ZBBX: variants seen among roughly 807,000 people sequenced by gnomAD.
ZBBX encodes zinc finger B-box domain containing, also known as zinc finger B-box domain-containing protein 1.
Under a neutral mutation model 108.5 loss-of-function variants are expected in ZBBX, and 101 were observed. The ratio of observed to expected loss-of-function variants is 0.93; its 90% CI spans 0.79 to 1.10. The LOEUF (loss-of-function observed/expected upper bound fraction) is 1.10. ZBBX is among the 50% of genes least tolerant of loss of function. ZBBX has a pLI of 0.00. For missense variants in ZBBX, 1,009 were observed against 941.4 expected, an observed-to-expected ratio of 1.07 and a Z score of -0.94; for synonymous variants, 356 against 323.4, an observed-to-expected ratio of 1.10 and a Z score of -1.08.
At chr3:167,217,607 A>G in the ZBBX span, among the ~76,000 whole-genome samples, 1 of 152,182 alleles carries the variant, frequency 6.6e-6, no homozygotes, top group African/African-American at 2.4e-5. Flanking sequence ...CAATCCCATT[A>G]CTGGACATAT....
chr3:167,406,044 G>T (rs932322006), intron 1 of ZBBX, among the ~76,000 whole-genome samples: 1 of 152,092 alleles, frequency 6.6e-6, no homozygotes, highest in African/African-American at 2.4e-5. Context: ...AGCCTGGGTT[G>T]CAAGGGCAAG....
At chr3:167,270,733 C>G (rs1410435740) in intron 20 of ZBBX, among the ~76,000 whole-genome samples, 1 of 152,124 alleles carries the variant, frequency 6.6e-6, no homozygotes, top group Admixed American at 6.5e-5. Flanking sequence ...GAAGTTAGAG[C>G]AATACTAAAT....
At chr3:167,185,705 A>G in the ZBBX span, among the ~76,000 whole-genome samples, 6 of 151,942 alleles carry the variant, frequency 3.9e-5, no homozygotes, top group Non-Finnish European at 8.8e-5. Flanking sequence ...AGAATGTTAC[A>G]TTTTTTCATT....
chr3:167,399,937 C>T (rs1009771197), intron 1 of ZBBX, among the ~76,000 whole-genome samples: 2 of 152,190 alleles, frequency 1.3e-5, no homozygotes, highest in African/African-American at 4.8e-5. Flanking sequence ...GAGTTCTCAC[C>T]TATAACTGTG....
At chr3:167,205,400 A>T in the ZBBX span, among the ~76,000 whole-genome samples, 1 of 152,160 alleles carries the variant, frequency 6.6e-6, no homozygotes, top group Non-Finnish European at 1.5e-5. Flanking sequence ...ATAAAACACT[A>T]AAGAAGAGCT....
chr3:167,312,058 A>G (rs1020120381), intron 16 of ZBBX, among the ~76,000 whole-genome samples: 6 of 152,184 alleles, frequency 3.9e-5, no homozygotes, highest in African/African-American at 1.4e-4. Context: ...GTGAATTGAT[A>G]AATAAACTAT....
At chr3:167,191,934 T>TAGAGAGAGAGAGAG in the ZBBX span, among the ~76,000 whole-genome samples, 67 of 130,220 alleles carry the variant, frequency 5.1e-4, no homozygotes, top group African/African-American at 2.0e-3. Flanking sequence ...TATATATATA[T>TAGAGAGAGAGAGAG]AGAGCAAGTT....
At chr3:167,251,246 G>A (rs1284135255) in intron 20 of ZBBX, among the ~76,000 whole-genome samples, 2 of 152,164 alleles carry the variant, frequency 1.3e-5, no homozygotes, top group South Asian at 2.1e-4. Context: ...CCAAGACCAC[G>A]TGTGATCCGA....
chr3:167,379,792 G>C lies in ZBBX; in HGVS notation c.-286C>G, dbSNP rs1432645669. Reference sequence around the variant, plus strand: ...ATGTGAACGCGCAGGCAGACTAAAGGCTACAAAAGGGGATGAAATATGGTT... The same window carrying C: ...ATGTGAACGCGCAGGCAGACTAAAGCCTACAAAAGGGGATGAAATATGGTT... On this transcript the variant is annotated splice_region_variant and 5_prime_UTR_variant, in exon 2 of 22. Coordinates refer to ENST00000675490, the MANE Select transcript of ZBBX (RefSeq NM_001199201.2). The C allele has an allele frequency of 2.6e-5, 4 of 152,116 alleles. No individual in the cohort carries two copies. The East Asian group carries it at 7.7e-4, about 29-fold the overall frequency. 9.4% of individuals were successfully genotyped at this position (152,116 alleles called of 1,614,324 possible).
chr3:167,282,229 T>C lies in ZBBX; in HGVS notation c.2254+9A>G. The C allele has an allele frequency of 1.3e-6, 2 of 1,588,540 alleles. No individual in the cohort carries two copies. The highest frequency in any genetic ancestry group is 1.7e-6 in the Non-Finnish European group (2 of 1,168,470). On this transcript the variant is annotated intron_variant, in intron 20 of 21. Coordinates refer to ENST00000675490, the MANE Select transcript of ZBBX (RefSeq NM_001199201.2). ...GCATTATCTAAAGTGAAAAAAAAAATAGGATTACCTGCAAGAGATCTCAGC... is the reference window on the plus strand; with the variant it reads ...GCATTATCTAAAGTGAAAAAAAAAACAGGATTACCTGCAAGAGATCTCAGC...
intron 5 of ZBBX, among the ~76,000 whole-genome samples, chr3:167,367,142 T>C (rs543050822): frequency 6.6e-6 from 1 of 152,058 alleles, no homozygotes; most frequent in East Asian, 1.9e-4. Flanking sequence ...TAATTTAATA[T>C]ACAAACAGTT....
At chr3:167,390,277 T>A (rs141083129) in intron 1 of ZBBX, among the ~76,000 whole-genome samples, 5,470 of 152,232 alleles carry the variant, frequency 0.036, 338 homozygotes, top group African/African-American at 0.13. Flanking sequence ...TGGTTGTAGA[T>A]ATGTGGCATT....
At chr3:167,324,131 G>A (rs1329584677) in intron 11 of ZBBX, among the ~76,000 whole-genome samples, 2 of 151,974 alleles carry the variant, frequency 1.3e-5, no homozygotes, top group East Asian at 1.9e-4. Context: ...TAGTGATAAT[G>A]GAAAGCAAAC....
intron 20 of ZBBX, among the ~76,000 whole-genome samples, chr3:167,246,088 A>G (rs1721522480): frequency 2.0e-5 from 3 of 152,220 alleles, no homozygotes; most frequent in Non-Finnish European, 2.9e-5. Context: ...GGAAATTAAG[A>G]GTAGCATCTG....
At chr3:167,344,624 A>G (rs1741124792) in intron 9 of ZBBX, among the ~76,000 whole-genome samples, 1 of 151,686 alleles carries the variant, frequency 6.6e-6, no homozygotes, top group Non-Finnish European at 1.5e-5. Flanking sequence ...GGACAGCATC[A>G]GCTGTTCCTT....
intron 20 of ZBBX, among the ~76,000 whole-genome samples, chr3:167,262,737 C>A (rs1724768412): frequency 1.3e-5 from 2 of 152,126 alleles, no homozygotes; most frequent in South Asian, 4.1e-4. Context: ...TCTAGATTTT[C>A]CAGTTTATTG....
rs2108276829 is a variant in ZBBX at position 167,314,009 on chromosome 3, C to T, written c.1382G>A (p.Arg461Lys). ...GKRDFLNLCL[R>K]NSSTYYKDNS... is the part of the protein sequence containing the mutation. ...ATCTTTATAATAAGTAGAGCTGTTTCTCAGACAAAGATTTAAGAAGTCTCT... is the reference window on the plus strand; with the variant it reads ...ATCTTTATAATAAGTAGAGCTGTTTTTCAGACAAAGATTTAAGAAGTCTCT... Residue 461 changes from arginine to lysine, a missense_variant, in exon 16 of 22, where the codon AGA becomes AAA. Transcript: ENST00000675490. 2.5e-6 allele frequency: 4 copies of T among 1,603,360 alleles called. No homozygotes were observed. The highest frequency in any genetic ancestry group is 1.7e-4 in the Middle Eastern group (1 of 6,016).
At chr3:167,187,828 T>C in the ZBBX span, among the ~76,000 whole-genome samples, 1 of 152,166 alleles carries the variant, frequency 6.6e-6, no homozygotes, top group South Asian at 2.1e-4. Flanking sequence ...CATTAATCAA[T>C]ATTTATGAAA....
chr3:167,293,024 C>T (rs1285593028), intron 18 of ZBBX, among the ~76,000 whole-genome samples: 2 of 152,118 alleles, frequency 1.3e-5, no homozygotes, highest in Non-Finnish European at 2.9e-5. Flanking sequence ...CCTGAATAGA[C>T]CAAAAACAAA....
Sources: gnomAD v4.1 joint callset for allele counts (sites outside exome capture counted in the v4.1 genomes callset) on GRCh38, gnomAD v4.1.1 for gene constraint, MANE v1.5 for transcripts, NCBI Gene and HGNC (gene_info 2026-07-23, HGNC 2026-07-21) for gene names.